Variants in DOK6 observed in about 807,000 individuals in gnomAD.
DOK6 encodes docking protein 6.
Under a neutral mutation model 44.0 loss-of-function variants are expected in DOK6, and 22 were observed. That is an observed-to-expected ratio of 0.50 (90% CI 0.36 to 0.71). The LOEUF is 0.71. Ranked by LOEUF, DOK6 falls within the 30% of genes least tolerant of loss-of-function variation. DOK6 has a pLI of 0.00. For synonymous variants in DOK6, 166 were observed against 145.5 expected, an observed-to-expected ratio of 1.14 and a Z score of -1.01; for missense variants, 340 against 416.4, an observed-to-expected ratio of 0.82 and a Z score of 1.60.
intron 1 of DOK6, among the ~76,000 whole-genome samples, chr18:69,450,667 T>C (rs1161893061): frequency 5.3e-5 from 8 of 152,118 alleles, no homozygotes; most frequent in Middle Eastern, 3.4e-3. Flanking sequence ...AGAGAAAGGT[T>C]GGGTTACCCT....
At chr18:69,499,351 A>C (rs1980985947) in intron 1 of DOK6, among the ~76,000 whole-genome samples, 1 of 152,146 alleles carries the variant, frequency 6.6e-6, no homozygotes, top group Non-Finnish European at 1.5e-5. Context: ...CTCTTGAGTC[A>C]ATCAATCAAT....
chr18:69,693,200 G>A (rs1986304789), intron 4 of DOK6, among the ~76,000 whole-genome samples: 1 of 151,452 alleles, frequency 6.6e-6, no homozygotes. Flanking sequence ...TGAATATTTA[G>A]GTATAATACT....
chr18:69,806,097 C>G (rs1460352319), intron 7 of DOK6, among the ~76,000 whole-genome samples: 1 of 151,468 alleles, frequency 6.6e-6, no homozygotes, highest in Admixed American at 6.6e-5. Context: ...TTTATTGTAC[C>G]CATTTAAATC....
chr18:69,739,317 C>T (rs1978723663), intron 6 of DOK6, among the ~76,000 whole-genome samples: 1 of 152,224 alleles, frequency 6.6e-6, no homozygotes, highest in African/African-American at 2.4e-5. Flanking sequence ...CCCTGCACTT[C>T]TGGCATCTAC....
intron 7 of DOK6, among the ~76,000 whole-genome samples, chr18:69,784,115 G>A (rs1005795723): frequency 6.6e-6 from 1 of 152,230 alleles, no homozygotes; most frequent in Middle Eastern, 3.4e-3. Flanking sequence ...CTTAAGCCCA[G>A]TAGAGGCCAC....
At chr18:69,619,233 A>T (rs1397868357) in intron 3 of DOK6, among the ~76,000 whole-genome samples, 2 of 152,194 alleles carry the variant, frequency 1.3e-5, no homozygotes, top group African/African-American at 2.4e-5. Flanking sequence ...GGACCAGGAG[A>T]CAGTGCCTGG....
chr18:69,483,945 A>G (rs1284226956), intron 1 of DOK6, among the ~76,000 whole-genome samples: 2 of 152,060 alleles, frequency 1.3e-5, no homozygotes, highest in Non-Finnish European at 2.9e-5. Context: ...GTTCGTTTGA[A>G]TAACTTAAAT....
chr18:69,506,273 G>A (rs982965140), intron 1 of DOK6, among the ~76,000 whole-genome samples: 13 of 152,136 alleles, frequency 8.5e-5, no homozygotes, highest in African/African-American at 3.1e-4. Context: ...TTTACATGCA[G>A]TATAATTTGC....
chr18:69,693,830 G>A (rs944638750), intron 4 of DOK6, among the ~76,000 whole-genome samples: 4 of 151,632 alleles, frequency 2.6e-5, no homozygotes, highest in South Asian at 2.1e-4. Context: ...AGGCAGAGGC[G>A]GGCGGATCAT....
At chr18:69,683,987 C>T (rs1453321103) in intron 4 of DOK6, among the ~76,000 whole-genome samples, 1 of 152,088 alleles carries the variant, frequency 6.6e-6, no homozygotes, top group Non-Finnish European at 1.5e-5. Flanking sequence ...CTGATATAAT[C>T]AGCAAAGGTT....
At chr18:69,817,186 C>T (rs1486334075) in intron 7 of DOK6, among the ~76,000 whole-genome samples, 5 of 152,082 alleles carry the variant, frequency 3.3e-5, no homozygotes, top group Admixed American at 3.3e-4. Flanking sequence ...ACAACTATGG[C>T]AGCTGTTCAG....
intron 5 of DOK6, among the ~76,000 whole-genome samples, chr18:69,723,998 T>A (rs1844942645): frequency 6.6e-6 from 1 of 152,228 alleles, no homozygotes; most frequent in African/African-American, 2.4e-5. Context: ...TCAAAACCTT[T>A]ACTTCTTTCT....
chr18:69,714,453 C>T (rs1339743762), intron 5 of DOK6, among the ~76,000 whole-genome samples: 1 of 152,146 alleles, frequency 6.6e-6, no homozygotes, highest in African/African-American at 2.4e-5. Context: ...TTCTAAATAT[C>T]AGTAACTTGA....
intron 1 of DOK6, among the ~76,000 whole-genome samples, chr18:69,542,707 C>A (rs1982301469): frequency 6.6e-6 from 1 of 151,072 alleles, no homozygotes; most frequent in African/African-American, 2.4e-5. Context: ...TTGCTTAAGA[C>A]GTTTCATTTC....
chr18:69,574,797 A>C (rs933548733), intron 2 of DOK6, among the ~76,000 whole-genome samples: 5 of 152,100 alleles, frequency 3.3e-5, no homozygotes, highest in Admixed American at 6.6e-5. Context: ...TAGGTATTTC[A>C]GAAAAAAATC....
At chr18:69,762,360 G>A (rs1214763904) in intron 7 of DOK6, among the ~76,000 whole-genome samples, 2 of 152,158 alleles carry the variant, frequency 1.3e-5, no homozygotes, top group African/African-American at 4.8e-5. Flanking sequence ...TTTTTTTAAA[G>A]TCTAGTTATT....
intron 1 of DOK6, among the ~76,000 whole-genome samples, chr18:69,516,667 T>C (rs1193265579): frequency 6.7e-6 from 1 of 149,262 alleles, no homozygotes; most frequent in Non-Finnish European, 1.5e-5. Context: ...CATTTTCACA[T>C]TTAAAAGTAC....
chr18:69,479,693 C>G (rs141808924), intron 1 of DOK6, among the ~76,000 whole-genome samples: 1 of 152,174 alleles, frequency 6.6e-6, no homozygotes, highest in Non-Finnish European at 1.5e-5. Context: ...AAGAAATACT[C>G]CTTATCACCT....
intron 1 of DOK6, among the ~76,000 whole-genome samples, chr18:69,494,917 A>G (rs1980838775): frequency 6.6e-6 from 1 of 152,160 alleles, no homozygotes; most frequent in South Asian, 2.1e-4. Flanking sequence ...GCACCCACTT[A>G]GCTTGGCAGG....
Sources: gnomAD v4.1 joint callset for allele counts (sites outside exome capture counted in the v4.1 genomes callset) on GRCh38, gnomAD v4.1.1 for gene constraint, MANE v1.5 for transcripts, NCBI Gene and HGNC (gene_info 2026-07-23, HGNC 2026-07-21) for gene names.